Variants in SLC16A2 observed in about 807,000 individuals in gnomAD.
The protein encoded by SLC16A2 is solute carrier family 16 member 2.
Under a neutral mutation model 27.2 loss-of-function variants are expected in SLC16A2, and 3 were observed. The observed-to-expected ratio is 0.11, with a 90% CI of 0.05 to 0.28. SLC16A2 has a LOEUF of 0.28. Among genes scored for constraint, SLC16A2 ranks in the 10% least tolerant of loss-of-function variants. The probability of loss-of-function intolerance (pLI) is 1.00; values close to 1 mark genes in which losing one functional copy is unlikely to be tolerated. For synonymous variants in SLC16A2, 202 were observed against 187.8 expected (o/e 1.08, Z -0.62); for missense variants, 295 against 458.5 (o/e 0.64, Z 3.26).
At chrX:74,428,934 C>T (rs1294618433) in intron 1 of SLC16A2, among the ~76,000 whole-genome samples, 1 of 111,711 alleles carries the variant, frequency 9.0e-6, no homozygotes, top group Non-Finnish European at 1.9e-5. Context: ...AGATTTCATA[C>T]TGGTTTTTGG....
rs1169122869 is a variant in SLC16A2, at chrX:74,427,731, A to G, written c.430+5664A>G. Reference sequence around the variant, plus strand: ...AAGGTGTTGTCTCACTTGAGATTGAATGAATGAACCCTAGAGAAAAGGCTT... The same window carrying G: ...AAGGTGTTGTCTCACTTGAGATTGAGTGAATGAACCCTAGAGAAAAGGCTT... On this transcript the variant is annotated intron_variant, in intron 1 of 5. Coordinates refer to ENST00000587091, the MANE Select transcript of SLC16A2 (RefSeq NM_006517.5). 8.1e-5 allele frequency among the ~76,000 whole-genome samples: 9 copies of G among 110,707 alleles called. 1 individual carries two copies. Among genetic ancestry groups the G allele is most frequent in the African/African-American group, 2.3e-4 (7 of 30,442 alleles).
rs1472270908 is a variant in SLC16A2, at chrX:74,427,449, C to G, written c.430+5382C>G. 4.5e-5 allele frequency among the ~76,000 whole-genome samples: 5 copies of G among 111,362 alleles called. No individual in the cohort carries two copies. In the East Asian group the frequency reaches 1.1e-3, roughly 25 times the overall value. ...AGTGTGCCTACGGAAGTAGCAGGCA[C>G]AGAGCTCTCTTTCCTTTTCCTTGGA... is the stretch of plus-strand genomic sequence containing the variant. On this transcript the variant is annotated intron_variant, in intron 1 of 5. Transcript: ENST00000587091.
intron 1 of SLC16A2, among the ~76,000 whole-genome samples, chrX:74,499,542 C>T (rs760637889): frequency 9.2e-6 from 1 of 108,925 alleles, no homozygotes; most frequent in African/African-American, 3.3e-5. Flanking sequence ...CAACCTCCAC[C>T]TCCCAGGTTA....
chrX:74,487,000 A>C (rs745647831), intron 1 of SLC16A2, among the ~76,000 whole-genome samples: 49 of 112,309 alleles, frequency 4.4e-4, no homozygotes, highest in African/African-American at 1.6e-3. Context: ...AAATCATGCT[A>C]CTACGTTACA....
At chrX:74,521,920 T>G (rs1203875134) in intron 2 of SLC16A2, among the ~76,000 whole-genome samples, 7 of 112,120 alleles carry the variant, frequency 6.2e-5, no homozygotes, top group Non-Finnish European at 5.6e-5. Context: ...CTAGGTTCAT[T>G]TTCTGCTTTC....
chrX:74,478,984 GTA>G (rs1210419325), intron 1 of SLC16A2, among the ~76,000 whole-genome samples: 2 of 110,969 alleles, frequency 1.8e-5, no homozygotes, highest in African/African-American at 6.6e-5. Flanking sequence ...TTCTCGAGGA[GTA>G]TCTTTGTGGC....
At chrX:74,430,076 T>C (rs1426185844) in intron 1 of SLC16A2, among the ~76,000 whole-genome samples, 3 of 112,336 alleles carry the variant, frequency 2.7e-5, no homozygotes, top group Non-Finnish European at 5.6e-5. Context: ...GTGGTAGTAA[T>C]AGTAATAATA....
At chrX:74,442,489 A>G in intron 1 of SLC16A2, among the ~76,000 whole-genome samples, 1 of 112,155 alleles carries the variant, frequency 8.9e-6, no homozygotes, top group South Asian at 3.7e-4. Flanking sequence ...ATGCTGCAGC[A>G]TAGCTCTGAG....
rs1386742348 is a variant in SLC16A2 at position 74,421,504 on chromosome X, G to T, written c.-134G>T. The T allele has an allele frequency of 4.7e-6, 4 of 857,717 alleles. No homozygotes were observed. The highest frequency in any genetic ancestry group is 6.8e-6 in the Non-Finnish European group (4 of 592,160). The allele number at this position is 857,717 out of a possible 1,213,427, so 70.7% of individuals were successfully genotyped here. A position where few individuals can be genotyped will look rare whatever the true frequency, so the allele number is the denominator to read the frequency against. ...TCGCGGGACGGGCTGGCCAGCTGGG[G>T]CGCGGAGCCTGGAGGAGGAGGCAGC... On this transcript the variant is annotated 5_prime_UTR_variant, in exon 1 of 6. Transcript: ENST00000587091.
chrX:74,494,041 C>T (rs1400900737), intron 1 of SLC16A2, among the ~76,000 whole-genome samples: 1 of 111,895 alleles, frequency 8.9e-6, no homozygotes, highest in Non-Finnish European at 1.9e-5. Context: ...CCAGCTGCCA[C>T]AGGCTGAGAG....
chrX:74,478,475 C>T (rs1929536985), intron 1 of SLC16A2, among the ~76,000 whole-genome samples: 1 of 111,825 alleles, frequency 8.9e-6, no homozygotes, highest in Middle Eastern at 4.2e-3. Flanking sequence ...GCATTTAGCC[C>T]ATTTGCATTT....
At chrX:74,427,463 C>G (rs898469986) in intron 1 of SLC16A2, among the ~76,000 whole-genome samples, 1 of 111,405 alleles carries the variant, frequency 9.0e-6, no homozygotes, top group Admixed American at 9.6e-5. Flanking sequence ...GCTCTCTTTC[C>G]TTTTCCTTGG....
chrX:74,470,794 C>T (rs969950993), intron 1 of SLC16A2, among the ~76,000 whole-genome samples: 21 of 110,426 alleles, frequency 1.9e-4, no homozygotes, highest in African/African-American at 4.9e-4. Context: ...AAAAATTAGC[C>T]GGGTGTGGTG....
intron 1 of SLC16A2, among the ~76,000 whole-genome samples, chrX:74,445,787 G>A (rs1210046778): frequency 9.2e-6 from 1 of 108,447 alleles, no homozygotes; most frequent in East Asian, 3.0e-4. Flanking sequence ...AGCTTGTTTT[G>A]GGGAAGGCAT....
chrX:74,499,905 AG>A (rs1929999715), intron 1 of SLC16A2, among the ~76,000 whole-genome samples: 1 of 111,585 alleles, frequency 9.0e-6, no homozygotes, highest in East Asian at 2.8e-4. Flanking sequence ...GAGTGACCAA[AG>A]GTACTCTCTT....
At chrX:74,496,959 C>A (rs371178699) in intron 1 of SLC16A2, among the ~76,000 whole-genome samples, 2 of 111,552 alleles carry the variant, frequency 1.8e-5, no homozygotes, top group Non-Finnish European at 3.8e-5. Context: ...GGACGTCCAG[C>A]TGCCCCTGTG....
rs761557423 is a variant in SLC16A2, at chrX:74,520,997, C to T, written c.438C>T (p.Val146=). The T allele has an allele frequency of 6.6e-6, 8 of 1,211,345 alleles. No individual in the cohort carries two copies. The Admixed American group carries it at 1.3e-4, about 20-fold the overall frequency. ...CACTTGTTTTCTCTGCAGCATGGGT[C>T]GGAGCCCTCGCGATGGGTATGATCT... The part of the protein sequence containing the change: ...NRQVEFQAAW[V]GALAMGMIFF... The change falls in exon 2 of 6, where the codon GTC becomes GTT. Residue 146 remains valine (V), a synonymous_variant. Coordinates refer to ENST00000587091, the MANE Select transcript of SLC16A2 (RefSeq NM_006517.5).
intron 1 of SLC16A2, among the ~76,000 whole-genome samples, chrX:74,490,677 C>G (rs1015775988): frequency 1.8e-5 from 2 of 111,459 alleles, no homozygotes; most frequent in African/African-American, 6.5e-5. Flanking sequence ...CTTGGTCACG[C>G]AGGGGCACGT....
At chrX:74,470,917 T>G (rs1053631517) in intron 1 of SLC16A2, among the ~76,000 whole-genome samples, 19 of 111,111 alleles carry the variant, frequency 1.7e-4, no homozygotes, top group African/African-American at 3.9e-4. Context: ...CAGCCTGGGC[T>G]ACAGAGCGAG....
Sources: gnomAD v4.1 joint callset for allele counts (sites outside exome capture counted in the v4.1 genomes callset) on GRCh38, gnomAD v4.1.1 for gene constraint, MANE v1.5 for transcripts, NCBI Gene and HGNC (gene_info 2026-07-23, HGNC 2026-07-21) for gene names.